Variants in HS6ST3 observed in about 807,000 individuals in gnomAD.
HS6ST3 encodes heparan sulfate 6-O-sulfotransferase 3.
HS6ST3 carries 12 observed loss-of-function variants against 36.7 expected under a neutral mutation model. That is an observed-to-expected ratio of 0.33 (90% confidence interval 0.21 to 0.53). The LOEUF is 0.53. HS6ST3 is among the 20% of genes least tolerant of loss of function. The pLI is 0.95. For synonymous variants in HS6ST3, 240 were observed against 257.5 expected (o/e 0.93, Z 0.65); for missense variants, 584 against 640.9 (o/e 0.91, Z 0.96).
chr13:96,488,037 TCA>T (rs2055924445), intron 1 of HS6ST3, among the ~76,000 whole-genome samples: 1 of 152,144 alleles, frequency 6.6e-6, no homozygotes, highest in Non-Finnish European at 1.5e-5. Flanking sequence ...CTCTGCAAAC[TCA>T]CACAATCAGA....
intron 1 of HS6ST3, among the ~76,000 whole-genome samples, chr13:96,280,565 A>C (rs984963243): frequency 1.3e-5 from 2 of 152,230 alleles, no homozygotes; most frequent in Non-Finnish European, 2.9e-5. Context: ...TTGAACAATC[A>C]GAGAGTTCAG....
intron 1 of HS6ST3, among the ~76,000 whole-genome samples, chr13:96,402,820 T>G (rs2055458394): frequency 6.6e-6 from 1 of 152,240 alleles, no homozygotes; most frequent in Non-Finnish European, 1.5e-5. Flanking sequence ...CTCCTGTTGA[T>G]GAACATGTAG....
chr13:96,588,510 T>C (rs2138973805), intron 1 of HS6ST3, among the ~76,000 whole-genome samples: 1 of 152,358 alleles, frequency 6.6e-6, no homozygotes, highest in South Asian at 2.1e-4. Context: ...TGCCCTACAT[T>C]CTGTCAATGT....
At chr13:96,531,710 G>A (rs565962457) in intron 1 of HS6ST3, among the ~76,000 whole-genome samples, 18 of 152,218 alleles carry the variant, frequency 1.2e-4, no homozygotes, top group South Asian at 4.2e-4. Flanking sequence ...AACGACAATC[G>A]TAACAGCAAC....
chr13:96,689,819 G>A (rs1481741610), intron 1 of HS6ST3, among the ~76,000 whole-genome samples: 1 of 38,198 alleles, frequency 2.6e-5, no homozygotes, highest in Admixed American at 2.5e-4. Context: ...CGGAGGATGT[G>A]GGCTGCAGGC....
intron 1 of HS6ST3, among the ~76,000 whole-genome samples, chr13:96,669,633 A>G (rs2056676616): frequency 6.6e-6 from 1 of 152,188 alleles, no homozygotes; most frequent in Non-Finnish European, 1.5e-5. Flanking sequence ...CCTGGATAGA[A>G]GTAAACTTTT....
At chr13:96,511,755 G>C (rs2056050762) in intron 1 of HS6ST3, among the ~76,000 whole-genome samples, 1 of 152,036 alleles carries the variant, frequency 6.6e-6, no homozygotes, top group African/African-American at 2.4e-5. Flanking sequence ...GTGTTGGTTT[G>C]TGTCTGTGCC....
At chr13:96,602,145 C>G (rs1003178183) in intron 1 of HS6ST3, among the ~76,000 whole-genome samples, 1 of 152,130 alleles carries the variant, frequency 6.6e-6, no homozygotes, top group Admixed American at 6.5e-5. Context: ...ATGCAATACC[C>G]CAGTGGTGGG....
At chr13:96,330,380 G>C (rs2055059273) in intron 1 of HS6ST3, among the ~76,000 whole-genome samples, 1 of 148,748 alleles carries the variant, frequency 6.7e-6, no homozygotes, top group Admixed American at 6.7e-5. Flanking sequence ...CAGGCCTGGT[G>C]GTGACAAAAT....
In HS6ST3 at chr13:96,340,111, G is replaced by A. The variant is rs544794899; in HGVS notation, c.707+248542G>A. The stretch of plus-strand genomic sequence containing the variant: ...ACTATGTTGTTTTATGGGCTATTAT[G>A]TATTAGGTATGTTGGAAATAGTTTA... On this transcript the variant is annotated intron_variant, in intron 1 of 1. Coordinates refer to ENST00000376705, the MANE Select transcript of HS6ST3 (RefSeq NM_153456.4). Among the ~76,000 whole-genome samples the A allele has an allele frequency of 2.0e-5, 3 of 152,246 alleles. No individual in the cohort carries two copies. In the East Asian group the frequency reaches 5.8e-4, roughly 29 times the overall value.
chr13:96,518,343 T>A (rs1417218461), intron 1 of HS6ST3, among the ~76,000 whole-genome samples: 1 of 152,200 alleles, frequency 6.6e-6, no homozygotes, highest in African/African-American at 2.4e-5. Flanking sequence ...ATTCCCTTTT[T>A]TATGGGAAGC....
At chr13:96,811,448 T>C (rs1182767014) in intron 1 of HS6ST3, among the ~76,000 whole-genome samples, 5 of 152,176 alleles carry the variant, frequency 3.3e-5, no homozygotes, top group Non-Finnish European at 7.3e-5. Flanking sequence ...TCTATGTAAA[T>C]AGGAAAAGTG....
In HS6ST3 at chr13:96,292,633, A is replaced by G. The variant is rs757564672; in HGVS notation, c.707+201064A>G. Among the ~76,000 whole-genome samples the G allele has an allele frequency of 2.6e-5, 4 of 152,074 alleles. No individual in the cohort carries two copies. In the East Asian group the frequency reaches 7.7e-4, roughly 29 times the overall value. On this transcript the variant is annotated intron_variant, in intron 1 of 1. Coordinates refer to ENST00000376705, the MANE Select transcript of HS6ST3 (RefSeq NM_153456.4). Reference sequence around the variant, plus strand: ...ATAAACAGTAGGTTGACAAATATTTATTGAGCTTGCTACTGTGCCAGGTAC... The same window carrying G: ...ATAAACAGTAGGTTGACAAATATTTGTTGAGCTTGCTACTGTGCCAGGTAC...
At chr13:96,107,916 T>C (rs2053849320) in intron 1 of HS6ST3, among the ~76,000 whole-genome samples, 1 of 152,168 alleles carries the variant, frequency 6.6e-6, no homozygotes. Context: ...CTCAGGACCC[T>C]GTGATGATTG....
chr13:96,589,459 T>C (rs2056374953), intron 1 of HS6ST3, among the ~76,000 whole-genome samples: 1 of 152,046 alleles, frequency 6.6e-6, no homozygotes, highest in Non-Finnish European at 1.5e-5. Flanking sequence ...TTTATCTGTT[T>C]TGTTTATCTT....
At chr13:96,479,302 G>C (rs2055878906) in intron 1 of HS6ST3, among the ~76,000 whole-genome samples, 1 of 152,208 alleles carries the variant, frequency 6.6e-6, no homozygotes, top group Non-Finnish European at 1.5e-5. Flanking sequence ...GGTAGTTCCA[G>C]AGAAATCAGG....
intron 1 of HS6ST3, among the ~76,000 whole-genome samples, chr13:96,236,093 A>T (rs1470729678): frequency 6.6e-6 from 1 of 152,192 alleles, no homozygotes; most frequent in African/African-American, 2.4e-5. Flanking sequence ...CCGATGTTTG[A>T]TGGCAGGAAG....
At chr13:96,140,968 T>C (rs1328493906) in intron 1 of HS6ST3, among the ~76,000 whole-genome samples, 1 of 152,164 alleles carries the variant, frequency 6.6e-6, no homozygotes, top group Non-Finnish European at 1.5e-5. Flanking sequence ...AGAAGCAGCT[T>C]TTCCTGACAA....
At chr13:96,527,654 G>A (rs902620434) in intron 1 of HS6ST3, among the ~76,000 whole-genome samples, 2 of 152,184 alleles carry the variant, frequency 1.3e-5, no homozygotes, top group African/African-American at 4.8e-5. Flanking sequence ...GTGATGAGCA[G>A]TGGCAAGCTA....
Sources: allele counts gnomAD v4.1 joint callset (sites outside exome capture counted in the v4.1 genomes callset), GRCh38; gene constraint gnomAD v4.1.1; transcripts MANE v1.5; gene names NCBI Gene and HGNC (gene_info 2026-07-23, HGNC 2026-07-21).